SUCLG2: variants seen among roughly 807,000 people sequenced by gnomAD.
The protein encoded by SUCLG2 is succinate--CoA ligase [GDP-forming] subunit beta, mitochondrial.
A neutral mutation model predicts 47.9 loss-of-function variants in SUCLG2; 42 were observed. That is an observed-to-expected ratio of 0.88 (90% CI 0.69 to 1.14). SUCLG2 has a LOEUF of 1.14. Ranked by LOEUF, SUCLG2 falls within the 50% of genes most tolerant of loss-of-function variation. The pLI is 0.00. For synonymous variants in SUCLG2, 195 were observed against 197.3 expected (o/e 0.99, Z 0.10); for missense variants, 571 against 525.9 (o/e 1.09, Z -0.84).
intron 2 of SUCLG2, among the ~76,000 whole-genome samples, chr3:67,604,786 C>T (rs1436470006): frequency 6.6e-6 from 1 of 152,158 alleles, no homozygotes; most frequent in Non-Finnish European, 1.5e-5. Flanking sequence ...ATCTGCGAGA[C>T]AATCCGCAGA....
At chr3:67,568,265 TGGGCCAAGTG>T (rs1241703037) in intron 2 of SUCLG2, among the ~76,000 whole-genome samples, 8 of 152,230 alleles carry the variant, frequency 5.3e-5, no homozygotes, top group Non-Finnish European at 1.0e-4. Context: ...GGCATGGTTT[TGGGCCAAGTG>T]GAGACACCCA....
intron 9 of SUCLG2, among the ~76,000 whole-genome samples, chr3:67,455,335 C>T (rs1704158201): frequency 2.6e-5 from 4 of 152,166 alleles, no homozygotes; most frequent in Admixed American, 2.6e-4. Context: ...GTCCATCCTC[C>T]TGCACATCAG....
At chr3:67,582,623 G>A (rs1281352188) in intron 2 of SUCLG2, among the ~76,000 whole-genome samples, 1 of 152,114 alleles carries the variant, frequency 6.6e-6, no homozygotes, top group Admixed American at 6.6e-5. Context: ...ATTCCTTTGG[G>A]TATATACCCA....
At chr3:67,426,183 A>G (rs1399488979) in intron 9 of SUCLG2, among the ~76,000 whole-genome samples, 1 of 151,794 alleles carries the variant, frequency 6.6e-6, no homozygotes, top group Non-Finnish European at 1.5e-5. Flanking sequence ...AAGAATAAAA[A>G]AAACAAGCAA....
intron 1 of SUCLG2, among the ~76,000 whole-genome samples, chr3:67,651,682 A>G (rs1701287825): frequency 6.6e-6 from 1 of 152,138 alleles, no homozygotes. Flanking sequence ...ATCTGTACCT[A>G]GTTAGCTGGG....
intron 10 of SUCLG2, among the ~76,000 whole-genome samples, chr3:67,364,098 C>G (rs1390412160): frequency 6.6e-6 from 1 of 152,190 alleles, no homozygotes; most frequent in Non-Finnish European, 1.5e-5. Flanking sequence ...TATACCCACT[C>G]TACTTCAGTG....
At chr3:67,621,238 G>A (rs1334998454) in intron 1 of SUCLG2, among the ~76,000 whole-genome samples, 1 of 152,130 alleles carries the variant, frequency 6.6e-6, no homozygotes, top group Non-Finnish European at 1.5e-5. Context: ...AAGGGCAGTA[G>A]AGGTGGGGAC....
chr3:67,509,143 C>T (rs947525537), intron 6 of SUCLG2, among the ~76,000 whole-genome samples: 14 of 152,154 alleles, frequency 9.2e-5, no homozygotes, highest in African/African-American at 2.7e-4. Flanking sequence ...ATTTTCAGTA[C>T]GGCCTAAAAC....
Position 67,498,169 on chromosome 3 carries a change from T to G in SUCLG2, c.884A>C (p.Lys295Thr), listed in dbSNP as rs1705399469. ...AATGTTCCCATCTAGTCCTATGTAT[T>G]TTAGATCATATTTGGCAGCTTCATT... is the stretch of plus-strand genomic sequence containing the variant. ...IENEAAKYDL[K>T]YIGLDGNIAC... The change falls in exon 8 of 11, where the codon AAA becomes ACA. Residue 295 changes from lysine (K) to threonine (T), a missense_variant. Lys to Thr is a moderately conservative substitution (Grantham distance 78). Coordinates refer to ENST00000307227, the MANE Select transcript of SUCLG2 (RefSeq NM_003848.4). 6.2e-7 allele frequency: 1 copy of G among 1,613,268 alleles called. No homozygotes were observed. The highest frequency in any genetic ancestry group is 1.3e-5 in the African/African-American group (1 of 74,920).
At chr3:67,626,845 C>G (rs895815273) in intron 1 of SUCLG2, among the ~76,000 whole-genome samples, 1 of 129,900 alleles carries the variant, frequency 7.7e-6, no homozygotes, top group Non-Finnish European at 1.6e-5. Flanking sequence ...ACCCCGGAGG[C>G]GGAGCTTGCA....
At chr3:67,372,766 T>A (rs528813121), downstream of SUCLG2, among the ~76,000 whole-genome samples, 119 of 152,340 alleles carry the variant, frequency 7.8e-4, no homozygotes, top group African/African-American at 2.7e-3. Flanking sequence ...ATCTAAATCT[T>A]CCTTTCTCAG....
chr3:67,449,909 G>A (rs1253134040), intron 9 of SUCLG2, among the ~76,000 whole-genome samples: 2 of 152,134 alleles, frequency 1.3e-5, no homozygotes, highest in South Asian at 2.1e-4. Context: ...CACTGCACTC[G>A]GCCATGCTGA....
chr3:67,585,899 G>C (rs1426957705), intron 2 of SUCLG2, among the ~76,000 whole-genome samples: 1 of 149,232 alleles, frequency 6.7e-6, no homozygotes, highest in African/African-American at 2.5e-5. Flanking sequence ...CCCAGGAGGT[G>C]GAGGTAGCAG....
intron 2 of SUCLG2, among the ~76,000 whole-genome samples, chr3:67,533,420 A>G (rs1706453474): frequency 6.6e-6 from 1 of 152,186 alleles, no homozygotes. Context: ...GCAAAATTGG[A>G]ATATCCAGTT....
intron 10 of SUCLG2, among the ~76,000 whole-genome samples, chr3:67,378,480 C>A (rs908234282): frequency 1.2e-4 from 19 of 152,188 alleles, no homozygotes; most frequent in African/African-American, 4.6e-4. Flanking sequence ...AACTGAGGCT[C>A]TGGGTCTAAT....
downstream of SUCLG2, among the ~76,000 whole-genome samples, chr3:67,371,394 C>A (rs3952322): frequency 0.17 from 26,534 of 152,174 alleles, 2,353 homozygotes; most frequent in Non-Finnish European, 0.18. Flanking sequence ...AAAGGCTGCA[C>A]ACTAAATTTT....
chr3:67,423,201 C>T lies in SUCLG2; in HGVS notation c.1063-22350G>A, dbSNP rs772937919. On this transcript the variant is annotated intron_variant, in intron 9 of 10. Coordinates refer to ENST00000307227, the MANE Select transcript of SUCLG2 (RefSeq NM_003848.4). ...TTCGTGTGACACTGAGTGAGTCTCA[C>T]GAGATCTGATGGCTTTGTAAGTGTC... Among the ~76,000 whole-genome samples the T allele has an allele frequency of 5.9e-5, 9 of 152,044 alleles. 1 individual carries two copies. The highest frequency in any genetic ancestry group is 1.3e-4 in the Admixed American group (2 of 15,268).
intron 5 of SUCLG2, among the ~76,000 whole-genome samples, chr3:67,519,378 G>A (rs188450180): frequency 2.6e-5 from 4 of 152,298 alleles, no homozygotes; most frequent in East Asian, 1.9e-4. Flanking sequence ...TTTCTGAAAC[G>A]TACATATAGC....
intron 2 of SUCLG2, among the ~76,000 whole-genome samples, chr3:67,601,782 G>C (rs936427826): frequency 5.3e-5 from 8 of 152,058 alleles, no homozygotes; most frequent in African/African-American, 1.9e-4. Flanking sequence ...AGGAGTTCGA[G>C]ACCATCCTGG....
Sources: gnomAD v4.1 joint callset for allele counts (sites outside exome capture counted in the v4.1 genomes callset) on GRCh38, gnomAD v4.1.1 for gene constraint, MANE v1.5 for transcripts, NCBI Gene and HGNC (gene_info 2026-07-23, HGNC 2026-07-21) for gene names.